NUP210L: variants seen among roughly 807,000 people sequenced by gnomAD.
NUP210L encodes the protein nucleoporin 210 like, also known as nuclear pore membrane glycoprotein 210-like.
In NUP210L, 74 loss-of-function variants were observed where a neutral mutation model predicts 208.5. The observed-to-expected ratio is 0.35, with a 90% CI of 0.29 to 0.43. The LOEUF (loss-of-function observed/expected upper bound fraction) is 0.43, where lower values mean the gene tolerates loss of function less well. Ranked by LOEUF, NUP210L falls within the 20% of genes least tolerant of loss-of-function variation. The pLI, the probability that NUP210L is intolerant of heterozygous loss-of-function variation, is 1.00. For synonymous variants in NUP210L, 780 were observed against 816.9 expected (o/e 0.95, Z 0.77); for missense variants, 1,843 against 2,289.4 (o/e 0.81, Z 3.98).
chr1:154,036,314 A>ATG (rs57011341), intron 27 of NUP210L, among the ~76,000 whole-genome samples: 4,151 of 108,058 alleles, frequency 0.038, 99 homozygotes, highest in Non-Finnish European at 0.053. Context: ...CAGTTGGAAC[A>ATG]TGTGTGTGTG....
intron 3 of NUP210L, among the ~76,000 whole-genome samples, chr1:154,143,212 AAAAG>A (rs896885142): frequency 5.9e-5 from 9 of 152,000 alleles, no homozygotes; most frequent in Non-Finnish European, 1.2e-4. Flanking sequence ...AAAAAAAAAA[AAAAG>A]AAAGGAAAAG....
chr1:154,071,872 G>A (rs532085045), intron 16 of NUP210L, among the ~76,000 whole-genome samples: 3 of 151,862 alleles, frequency 2.0e-5, no homozygotes, highest in African/African-American at 7.2e-5. Flanking sequence ...CCCTGACCTC[G>A]TGATCTGCCC....
intron 12 of NUP210L, among the ~76,000 whole-genome samples, chr1:154,112,630 A>C (rs1657097538): frequency 6.6e-6 from 1 of 151,938 alleles, no homozygotes. Flanking sequence ...CCAAGGCGGG[A>C]AGATCGCTTG....
At chr1:154,128,021 G>A (rs1257012963) in intron 8 of NUP210L, among the ~76,000 whole-genome samples, 1 of 151,898 alleles carries the variant, frequency 6.6e-6, no homozygotes, top group African/African-American at 2.4e-5. Flanking sequence ...AGAACACTGC[G>A]CCTGGCTAAT....
intron 17 of NUP210L, 129 bp from the exon 18 acceptor site, chr1:154,061,803 A>G (rs1654155927): frequency 1.5e-6 from 1 of 659,992 alleles, no homozygotes; most frequent in Middle Eastern, 2.4e-4. Context: ...AAAACTCTCA[A>G]TGGGGAAATA....
At chr1:154,091,797 G>A (rs1035318471) in intron 15 of NUP210L, among the ~76,000 whole-genome samples, 8 of 151,054 alleles carry the variant, frequency 5.3e-5, no homozygotes, top group Non-Finnish European at 7.4e-5. Context: ...CACTGCGCCC[G>A]GCCACAAAAT....
chr1:154,031,654 T>C (rs1201506960), intron 27 of NUP210L, among the ~76,000 whole-genome samples: 1 of 151,966 alleles, frequency 6.6e-6, no homozygotes, highest in African/African-American at 2.4e-5. Flanking sequence ...TATACTTGGC[T>C]TATTTCACTT....
intron 35 of NUP210L, among the ~76,000 whole-genome samples, chr1:154,003,408 T>A (rs1650329913): frequency 1.3e-5 from 2 of 150,160 alleles, no homozygotes; most frequent in Non-Finnish European, 3.0e-5. Context: ...AGGTTTTACC[T>A]TGTTAGCCAG....
chr1:154,110,628 C>T lies in NUP210L; in HGVS notation c.1621-6418G>A, dbSNP rs527958338. Among the ~76,000 whole-genome samples, 72 of 151,452 alleles carry T rather than the reference C, an allele frequency of 4.8e-4. 3 individuals carry two copies. Among genetic ancestry groups the T allele is most frequent in the African/African-American group, 1.6e-3 (67 of 40,892 alleles). On this transcript the variant is annotated intron_variant, in intron 12 of 39. Coordinates refer to ENST00000368559, the Ensembl canonical transcript of NUP210L. Reference sequence around the variant, plus strand: ...ACACAGTGGTTCATGCCTGTAATCCCAATACTTTTGGAGGCTGAAGCAGGT... The same window carrying T: ...ACACAGTGGTTCATGCCTGTAATCCTAATACTTTTGGAGGCTGAAGCAGGT...
chr1:154,095,312 T>G (rs970461857), intron 14 of NUP210L, among the ~76,000 whole-genome samples, 156 bp from the exon 15 acceptor site: 1 of 152,230 alleles, frequency 6.6e-6, no homozygotes, highest in South Asian at 2.1e-4. Flanking sequence ...GGAATGCTTC[T>G]CAACCTAACT....
At chr1:154,104,289 T>C (rs1336479534) in intron 12 of NUP210L, 79 bp from the exon 13 acceptor site, 5 of 1,093,492 alleles carry the variant, frequency 4.6e-6, no homozygotes, top group East Asian at 2.4e-5. Flanking sequence ...GATGGCCAAA[T>C]AGAACCCTCC....
At chr1:154,024,556 CT>C (rs1416943637) in intron 30 of NUP210L, among the ~76,000 whole-genome samples, 1 of 151,964 alleles carries the variant, frequency 6.6e-6, no homozygotes, top group African/African-American at 2.4e-5. Flanking sequence ...CAGATTGTTG[CT>C]TTGTTTTCCA....
chr1:154,061,857 G>A (rs1654158741), intron 17 of NUP210L, among the ~76,000 whole-genome samples, 183 bp from the exon 18 acceptor site: 1 of 152,124 alleles, frequency 6.6e-6, no homozygotes, highest in South Asian at 2.1e-4. Context: ...GTTTTGAGAT[G>A]GAGTGTCGCT....
chr1:154,119,956 G>A (rs1048791271), intron 10 of NUP210L, among the ~76,000 whole-genome samples: 11 of 152,176 alleles, frequency 7.2e-5, no homozygotes, highest in Non-Finnish European at 1.2e-4. Flanking sequence ...CTAGATCCTT[G>A]AGGAATCGCC....
chr1:154,024,922 G>GTTTTTTTTT (rs71096508), intron 30 of NUP210L, among the ~76,000 whole-genome samples: 16 of 83,688 alleles, frequency 1.9e-4, no homozygotes, highest in Non-Finnish European at 2.5e-4. Context: ...AGGCTGATCT[G>GTTTTTTTTT]TTTTTTTTTT....
At chr1:154,084,477 G>T (rs1454280925) in intron 16 of NUP210L, among the ~76,000 whole-genome samples, 1 of 152,022 alleles carries the variant, frequency 6.6e-6, no homozygotes, top group African/African-American at 2.4e-5. Context: ...CTCCCAAAGT[G>T]CTGGGATTAG....
intron 15 of NUP210L, among the ~76,000 whole-genome samples, chr1:154,091,242 C>T (rs900209652): frequency 1.3e-4 from 20 of 151,510 alleles, no homozygotes; most frequent in African/African-American, 2.4e-5. Flanking sequence ...ACTACAGGCA[C>T]GTGCAACCAC....
intron 37 of NUP210L, 96 bp from the exon 38 acceptor site, chr1:153,995,276 T>A: frequency 1.2e-6 from 1 of 842,438 alleles, no homozygotes; most frequent in Non-Finnish European, 1.9e-6. Flanking sequence ...GACAGAGTTT[T>A]ACTCTCACTC....
intron 7 of NUP210L, among the ~76,000 whole-genome samples, chr1:154,131,622 A>G (rs1658258764): frequency 6.6e-6 from 1 of 151,738 alleles, no homozygotes; most frequent in African/African-American, 2.4e-5. Flanking sequence ...TTTTGTCCTT[A>G]TGAAAGCCAA....
Sources: allele counts gnomAD v4.1 joint callset (sites outside exome capture counted in the v4.1 genomes callset), GRCh38; gene constraint gnomAD v4.1.1; transcripts MANE v1.5; gene names NCBI Gene and HGNC (gene_info 2026-07-23, HGNC 2026-07-21).